ALK: variants seen among roughly 807,000 people sequenced by gnomAD.
ALK encodes ALK receptor tyrosine kinase.
In ALK, 74 loss-of-function variants were observed where a neutral mutation model predicts 163.1. That is an observed-to-expected ratio of 0.45 (90% CI 0.38 to 0.55). ALK has a LOEUF of 0.55. Among genes scored for constraint, ALK ranks in the 20% least tolerant of loss-of-function variants. The pLI is 0.00. For synonymous variants in ALK, 960 were observed against 843.2 expected (o/e 1.14, Z -2.40); for missense variants, 2,063 against 2,105.3 (o/e 0.98, Z 0.39).
intron 3 of ALK, among the ~76,000 whole-genome samples, chr2:29,638,425 T>C (rs562877541): frequency 2.9e-4 from 44 of 150,954 alleles, no homozygotes; most frequent in Admixed American, 2.8e-3. Flanking sequence ...TTCATTTTGT[T>C]TGGGGAGACA....
intron 1 of ALK, among the ~76,000 whole-genome samples, chr2:29,900,768 A>G (rs1423893144): frequency 6.6e-6 from 1 of 152,180 alleles, no homozygotes; most frequent in Non-Finnish European, 1.5e-5. Context: ...CTCATCCTTT[A>G]ACCCCTCCAC....
intron 4 of ALK, among the ~76,000 whole-genome samples, chr2:29,436,323 T>G (rs1207272064): frequency 2.0e-5 from 3 of 152,174 alleles, no homozygotes; most frequent in Non-Finnish European, 1.5e-5. Flanking sequence ...AAAGGCACGG[T>G]GCACTGGCAG....
At chr2:29,487,937 T>C (rs1345860333) in intron 4 of ALK, among the ~76,000 whole-genome samples, 1 of 152,202 alleles carries the variant, frequency 6.6e-6, no homozygotes, top group Non-Finnish European at 1.5e-5. Context: ...CCCAGTGTGA[T>C]TGGAGTTACT....
At position 29,645,392 on chromosome 2, in the gene ALK, T is replaced by C. The variant is rs529727719; in HGVS notation, c.952+49458A>G. 3.9e-5 allele frequency among the ~76,000 whole-genome samples: 6 copies of C among 152,278 alleles called. No homozygotes were observed. In the South Asian group the frequency reaches 1.2e-3, roughly 32 times the overall value. Reference sequence around the variant, plus strand: ...CAGGAAACAAACTTGGCTTCTTTCATATAAGACCCAATGGTCAGCTTGAGG... The same window carrying C: ...CAGGAAACAAACTTGGCTTCTTTCACATAAGACCCAATGGTCAGCTTGAGG... On this transcript the variant is annotated intron_variant, in intron 3 of 28. Coordinates refer to ENST00000389048, the MANE Select transcript of ALK (RefSeq NM_004304.5).
At chr2:29,369,242 T>C (rs1422649924) in intron 5 of ALK, among the ~76,000 whole-genome samples, 2 of 151,984 alleles carry the variant, frequency 1.3e-5, no homozygotes, top group Non-Finnish European at 2.9e-5. Context: ...GCCCCTGAGG[T>C]CCTCTTTAGG....
intron 3 of ALK, among the ~76,000 whole-genome samples, chr2:29,564,445 CCA>C (rs1491526155): frequency 2.8e-5 from 3 of 108,092 alleles, no homozygotes; most frequent in Admixed American, 2.0e-4. Context: ...ACCACCACCC[CCA>C]CCGCCACCCT....
intron 4 of ALK, among the ~76,000 whole-genome samples, chr2:29,442,423 G>C (rs1670569048): frequency 6.6e-6 from 1 of 152,178 alleles, no homozygotes; most frequent in Admixed American, 6.5e-5. Flanking sequence ...CAGAGCTCTG[G>C]ACAGTAGGCT....
At position 29,639,058 on chromosome 2, in the gene ALK, A is replaced by G. The variant is rs139516377; in HGVS notation, c.952+55792T>C. ...GGAGAATTAGAAAGTAGCTGAAATT[A>G]TAGTCTTAGCTAAGAAAACACTCTA... On this transcript the variant is annotated intron_variant, in intron 3 of 28. Transcript: ENST00000389048. Among the ~76,000 whole-genome samples, 18 of 152,336 alleles carry G rather than the reference A, an allele frequency of 1.2e-4. No individual in the cohort carries two copies. The East Asian group carries it at 2.9e-3, about 24-fold the overall frequency.
chr2:29,274,700 C>A (rs776579609), intron 11 of ALK, among the ~76,000 whole-genome samples: 11 of 152,146 alleles, frequency 7.2e-5, no homozygotes, highest in Non-Finnish European at 1.3e-4. Flanking sequence ...GGTAGCCTAC[C>A]TTTGTGCAAC....
At chr2:29,391,160 T>C (rs1333283204) in intron 4 of ALK, among the ~76,000 whole-genome samples, 2 of 152,106 alleles carry the variant, frequency 1.3e-5, no homozygotes, top group African/African-American at 2.4e-5. Context: ...GTTATGTGGG[T>C]GACGGGGATC....
chr2:29,272,156 A>G (rs1423164263), intron 11 of ALK, among the ~76,000 whole-genome samples: 2 of 145,230 alleles, frequency 1.4e-5, no homozygotes, highest in Non-Finnish European at 3.1e-5. Context: ...ATAGAAAGAG[A>G]GAGAGAGAGA....
chr2:29,418,411 T>A (rs181050262), intron 4 of ALK, among the ~76,000 whole-genome samples: 2 of 152,342 alleles, frequency 1.3e-5, no homozygotes, highest in Non-Finnish European at 2.9e-5. Flanking sequence ...CGGATATGTA[T>A]AATCTTTCTT....
chr2:29,271,574 T>A (rs560618469), intron 11 of ALK, among the ~76,000 whole-genome samples: 10 of 152,292 alleles, frequency 6.6e-5, no homozygotes, highest in East Asian at 3.9e-4. Context: ...CTTGATTTTT[T>A]AAAAAATTGC....
intron 1 of ALK, among the ~76,000 whole-genome samples, chr2:29,901,213 C>T (rs1667408650): frequency 6.6e-6 from 1 of 152,192 alleles, no homozygotes; most frequent in South Asian, 2.1e-4. Flanking sequence ...CTGTCTCTTG[C>T]AGCTGTGAAG....
intron 8 of ALK, among the ~76,000 whole-genome samples, chr2:29,303,453 T>C (rs1360007651): frequency 6.6e-6 from 1 of 152,210 alleles, no homozygotes; most frequent in African/African-American, 2.4e-5. Context: ...ATTAGTTCAG[T>C]TGCTGTGGAA....
At chr2:29,250,102 G>A (rs1001086552) in intron 12 of ALK, among the ~76,000 whole-genome samples, 2 of 152,148 alleles carry the variant, frequency 1.3e-5, no homozygotes, top group African/African-American at 4.8e-5. Flanking sequence ...GAGAGGAGGC[G>A]AGCTCATTTC....
At chr2:29,661,616 A>C (rs962007147) in intron 3 of ALK, among the ~76,000 whole-genome samples, 2 of 152,194 alleles carry the variant, frequency 1.3e-5, no homozygotes, top group Non-Finnish European at 2.9e-5. Flanking sequence ...AAATCCTATA[A>C]GGTATGACTG....
At position 29,531,919 on chromosome 2, in the gene ALK, G is replaced by A. The variant is rs1243305009; in HGVS notation, c.1150C>T (p.His384Tyr). The A allele has an allele frequency of 1.2e-6, 2 of 1,614,026 alleles. No individual in the cohort carries two copies. Among genetic ancestry groups the A allele is most frequent in the Admixed American group, 1.7e-5 (1 of 60,012 alleles). Residue 384 changes from histidine (H) to tyrosine (Y), a missense_variant, in exon 4 of 29, where the codon CAT becomes TAT. Coordinates refer to ENST00000389048, the MANE Select transcript of ALK (RefSeq NM_004304.5). ...EILLMPTPGKHGWTVLQGRIG... is the reference protein window; with the variant it reads ...EILLMPTPGKYGWTVLQGRIG... ...TGGACATGGAGAAGTACTTACCCAT[G>A]CTTCCCTGGAGTGGGCATCAGGAGG... is the stretch of plus-strand genomic sequence containing the variant.
intron 3 of ALK, among the ~76,000 whole-genome samples, chr2:29,642,970 C>T (rs1420674592): frequency 6.6e-6 from 1 of 152,190 alleles, no homozygotes; most frequent in Non-Finnish European, 1.5e-5. Flanking sequence ...TCCAACCTGC[C>T]TCTTTCCTCT....
Sources: gnomAD v4.1 joint callset for allele counts (sites outside exome capture counted in the v4.1 genomes callset) on GRCh38, gnomAD v4.1.1 for gene constraint, MANE v1.5 for transcripts, NCBI Gene and HGNC (gene_info 2026-07-23, HGNC 2026-07-21) for gene names.